The following DIAPH2 variants were observed in gnomAD, a reference collection of about 807,000 sequenced individuals.
DIAPH2 encodes the protein diaphanous related formin 2.
Under a neutral mutation model 92.7 loss-of-function variants are expected in DIAPH2, and 35 were observed. The observed-to-expected ratio is 0.38, with a 90% CI of 0.29 to 0.50. The LOEUF (loss-of-function observed/expected upper bound fraction) is 0.50. DIAPH2 is among the 20% of genes least tolerant of loss of function. The probability of loss-of-function intolerance (pLI) is 0.94; values close to 1 mark genes in which losing one functional copy is unlikely to be tolerated. For missense variants in DIAPH2, 701 were observed against 819.5 expected (o/e 0.86, Z 1.77); for synonymous variants, 301 against 280.4 (o/e 1.07, Z -0.73).
Position 97,037,840 on chromosome X carries a change from A to G in DIAPH2, c.2051-35101A>G, listed in dbSNP as rs1007184982. ...CTATAAAACTCCCTTGTAAGAATATACTATGATTTATTATCATTATTTTTT... is the reference window on the plus strand; with the variant it reads ...CTATAAAACTCCCTTGTAAGAATATGCTATGATTTATTATCATTATTTTTT... On this transcript the variant is annotated intron_variant, in intron 17 of 26. Transcript: ENST00000324765. Among the ~76,000 whole-genome samples the G allele has an allele frequency of 3.4e-4, 38 of 112,033 alleles. 1 individual carries two copies. Among genetic ancestry groups the G allele is most frequent in the Non-Finnish European group, 6.8e-4 (36 of 53,182 alleles).
At chrX:97,200,881 G>C (rs1455647012) in intron 22 of DIAPH2, among the ~76,000 whole-genome samples, 1 of 111,758 alleles carries the variant, frequency 8.9e-6, no homozygotes, top group African/African-American at 3.3e-5. Flanking sequence ...GACTGGGAGA[G>C]ACCTCCCAAC....
intron 17 of DIAPH2, among the ~76,000 whole-genome samples, chrX:97,037,341 T>C (rs1012165324): frequency 1.8e-5 from 2 of 111,352 alleles, no homozygotes; most frequent in African/African-American, 6.5e-5. Flanking sequence ...GTCGAAGCAC[T>C]TTTTGCTCTT....
At chrX:96,761,508 T>C (rs2064268697) in intron 4 of DIAPH2, among the ~76,000 whole-genome samples, 1 of 111,060 alleles carries the variant, frequency 9.0e-6, no homozygotes, top group Non-Finnish European at 1.9e-5. Flanking sequence ...CATTATCAGA[T>C]ACTCTTTCAG....
At chrX:97,170,882 TA>T (rs200995337) in intron 22 of DIAPH2, among the ~76,000 whole-genome samples, 11 of 110,356 alleles carry the variant, frequency 1.0e-4, no homozygotes, top group Non-Finnish European at 3.8e-5. Flanking sequence ...TTTATTTATT[TA>T]TTTATTTTTT....
intron 4 of DIAPH2, among the ~76,000 whole-genome samples, chrX:96,819,863 T>C (rs1026541289): frequency 8.9e-6 from 1 of 111,960 alleles, no homozygotes; most frequent in South Asian, 3.7e-4. Flanking sequence ...GCTGAAGATG[T>C]AGCAAGAAGA....
At chrX:97,267,471 C>CT (rs942238181) in intron 23 of DIAPH2, among the ~76,000 whole-genome samples, 1 of 111,578 alleles carries the variant, frequency 9.0e-6, no homozygotes, top group Non-Finnish European at 1.9e-5. Context: ...TCTTAAGTTA[C>CT]TTTGTAACTG....
intron 22 of DIAPH2, among the ~76,000 whole-genome samples, chrX:97,177,697 G>GA (rs2067503275): frequency 1.4e-5 from 1 of 70,501 alleles, no homozygotes; most frequent in African/African-American, 5.3e-5. Context: ...TTATAGCTCT[G>GA]AAAAGCCTAC....
At chrX:97,514,339 G>A (rs1344487308) in intron 26 of DIAPH2, among the ~76,000 whole-genome samples, 3 of 111,699 alleles carry the variant, frequency 2.7e-5, no homozygotes, top group Non-Finnish European at 3.8e-5. Flanking sequence ...CGTAGTTCTC[G>A]AGCCTTGGTT....
chrX:97,081,381 A>C (rs1259138918), intron 19 of DIAPH2, among the ~76,000 whole-genome samples: 1 of 111,682 alleles, frequency 9.0e-6, no homozygotes, highest in Non-Finnish European at 1.9e-5. Flanking sequence ...TATTCTCTCT[A>C]TGTCTATTAT....
chrX:96,899,069 C>G (rs919978328), intron 5 of DIAPH2, among the ~76,000 whole-genome samples: 1 of 110,737 alleles, frequency 9.0e-6, no homozygotes, highest in Non-Finnish European at 1.9e-5. Flanking sequence ...GGGCTCTGTT[C>G]TGTTCCGTTG....
At position 96,939,599 on chromosome X, in the gene DIAPH2, TATAC is replaced by T. The variant is rs1220055063; in HGVS notation, c.1325+219_1325+222del. The stretch of plus-strand genomic sequence containing the variant: ...GTGTGTGTATATGTGTGTGTGTGTA[TATAC>T]ACACACACACACATATACACACACA... On this transcript the variant is annotated intron_variant, in intron 12 of 26. Transcript: ENST00000324765. 5.3e-4 allele frequency among the ~76,000 whole-genome samples: 27 copies of T among 50,847 alleles called. 1 individual carries two copies. Among genetic ancestry groups the T allele is most frequent in the Admixed American group, 1.6e-3 (8 of 5,011 alleles). The allele number at this position is 50,847 out of a possible 115,157, so 44.2% of individuals were successfully genotyped here. A position where few individuals can be genotyped will look rare whatever the true frequency, so the allele number is the denominator to read the frequency against.
At chrX:96,853,571 C>T (rs1384809904) in intron 4 of DIAPH2, among the ~76,000 whole-genome samples, 1 of 111,119 alleles carries the variant, frequency 9.0e-6, no homozygotes, top group African/African-American at 3.3e-5. Flanking sequence ...TTCCATTTTC[C>T]ATTAATGTAT....
chrX:97,132,583 A>G (rs972771170), intron 21 of DIAPH2, among the ~76,000 whole-genome samples: 1 of 112,095 alleles, frequency 8.9e-6, no homozygotes, highest in African/African-American at 3.2e-5. Flanking sequence ...GGAGACTAAC[A>G]TTAGAATTCT....
chrX:97,542,078 G>A, intron 26 of DIAPH2, among the ~76,000 whole-genome samples: 1 of 112,406 alleles, frequency 8.9e-6, no homozygotes, highest in South Asian at 3.7e-4. Flanking sequence ...TTGCATATAA[G>A]CCTACTTGGA....
intron 4 of DIAPH2, among the ~76,000 whole-genome samples, chrX:96,773,010 T>G (rs2064348946): frequency 8.9e-6 from 1 of 112,193 alleles, no homozygotes; most frequent in African/African-American, 3.2e-5. Flanking sequence ...ATCCAAGATA[T>G]AACATGTATT....
At chrX:97,258,735 G>T (rs2068260819) in intron 23 of DIAPH2, among the ~76,000 whole-genome samples, 1 of 105,848 alleles carries the variant, frequency 9.4e-6, no homozygotes, top group Non-Finnish European at 1.9e-5. Context: ...GCCGGTCGTG[G>T]TGGCGGGCGC....
intron 5 of DIAPH2, among the ~76,000 whole-genome samples, chrX:96,911,581 A>G (rs1013500998): frequency 3.6e-5 from 4 of 110,924 alleles, no homozygotes; most frequent in East Asian, 2.8e-4. Flanking sequence ...TAATCCTTCT[A>G]CTTGGAAAGT....
At chrX:97,099,092 T>A (rs1368026698) in intron 19 of DIAPH2, among the ~76,000 whole-genome samples, 1 of 112,238 alleles carries the variant, frequency 8.9e-6, no homozygotes, top group Admixed American at 9.4e-5. Context: ...TTATTGTACC[T>A]AAGCAAATTC....
chrX:96,782,381 C>T (rs767533367), intron 4 of DIAPH2, among the ~76,000 whole-genome samples: 169 of 111,969 alleles, frequency 1.5e-3, no homozygotes, highest in South Asian at 2.6e-3. Context: ...CTGCAAGCTC[C>T]GCCTCCGGGG....
Sources: gnomAD v4.1 joint callset for allele counts (sites outside exome capture counted in the v4.1 genomes callset) on GRCh38, gnomAD v4.1.1 for gene constraint, MANE v1.5 for transcripts, NCBI Gene and HGNC (gene_info 2026-07-23, HGNC 2026-07-21) for gene names.